The following PTK2B variants were observed in gnomAD, a reference collection of about 807,000 sequenced individuals.
PTK2B encodes protein tyrosine kinase 2 beta, also known as protein-tyrosine kinase 2-beta.
PTK2B carries 71 observed loss-of-function variants against 142.9 expected under a neutral mutation model. That is an observed-to-expected ratio of 0.50 (90% CI 0.41 to 0.61). The LOEUF (loss-of-function observed/expected upper bound fraction) is 0.61. PTK2B is among the 20% of genes least tolerant of loss of function. The pLI is 0.00. For missense variants in PTK2B, 1,105 were observed against 1,320.4 expected (o/e 0.84, Z 2.53); for synonymous variants, 519 against 503.4 (o/e 1.03, Z -0.42).
chr8:27,335,833 G>T (rs1804028488), intron 1 of PTK2B, among the ~76,000 whole-genome samples: 1 of 152,102 alleles, frequency 6.6e-6, no homozygotes, highest in East Asian at 1.9e-4. Flanking sequence ...GCAATCAGGG[G>T]GTGTGGGGAC....
rs375604808 is a variant in PTK2B at position 27,444,146 on chromosome 8, G to T, written c.2149-60G>T. The T allele has an allele frequency of 1.3e-5, 19 of 1,504,606 alleles. No individual in the cohort carries two copies. In the African/African-American group the frequency reaches 2.5e-4, roughly 20 times the overall value. 93.2% of individuals were successfully genotyped at this position (1,504,606 alleles called of 1,614,324 possible). A position where few individuals can be genotyped will look rare whatever the true frequency, so the allele number is the denominator to read the frequency against. ...TGTCTTTGACCTGATGTTCCCCTTG[G>T]TGAGTTGTGTTCACTCAAGGAGAGG... is the stretch of plus-strand genomic sequence containing the variant. On this transcript the variant is annotated intron_variant, in intron 22 of 30. Coordinates refer to ENST00000346049, the MANE Select transcript of PTK2B (RefSeq NM_173176.3).
chr8:27,438,281 G>C (rs3779636), intron 18 of PTK2B, among the ~76,000 whole-genome samples: 129,737 of 151,944 alleles, frequency 0.85, 55,794 homozygotes, highest in Middle Eastern at 0.94. Context: ...GGGGTCCTAG[G>C]CCAGACATCA....
intron 1 of PTK2B, among the ~76,000 whole-genome samples, chr8:27,375,860 G>A (rs954085956): frequency 7.2e-5 from 11 of 152,236 alleles, no homozygotes; most frequent in African/African-American, 1.9e-4. Context: ...CTGGTGAGCA[G>A]GGTACCCTGT....
At chr8:27,322,429 T>C (rs1803239973), upstream of PTK2B, 1 of 152,130 alleles carries the variant, frequency 6.6e-6, no homozygotes, top group Admixed American at 6.5e-5. Context: ...TCATAGACGG[T>C]TGTGAAGACA....
At chr8:27,453,197 T>G in intron 28 of PTK2B, 37 bp downstream of exon 28, 1 of 1,610,734 alleles carries the variant, frequency 6.2e-7, no homozygotes, top group Non-Finnish European at 8.5e-7. Context: ...TAAATGAGAG[T>G]GGGGGTTGCA....
rs150640033 is a variant in PTK2B at position 27,403,378 on chromosome 8, G to T, written c.204+5590G>T. On this transcript the variant is annotated intron_variant, in intron 2 of 30. Coordinates refer to ENST00000346049, the MANE Select transcript of PTK2B (RefSeq NM_173176.3). ...GCATATTTGCTGATTTCATGTTTTG[G>T]TCTTTATTCTCTGCTTTTTTTTCTG... Among the ~76,000 whole-genome samples the T allele has an allele frequency of 1.1e-3, 168 of 152,250 alleles. 4 individuals are homozygous for T. The East Asian group carries it at 0.023, about 21-fold the overall frequency.
chr8:27,439,550 G>C, intron 20 of PTK2B, 152 bp downstream of exon 20: 1 of 857,078 alleles, frequency 1.2e-6, no homozygotes, highest in Non-Finnish European at 1.8e-6. Context: ...CTCAGAGGTG[G>C]GGAGGCCAGT....
intron 3 of PTK2B, among the ~76,000 whole-genome samples, chr8:27,318,516 G>T (rs1803140070): frequency 6.6e-6 from 1 of 152,148 alleles, no homozygotes; most frequent in Non-Finnish European, 1.5e-5. Flanking sequence ...CTCTTTCTAG[G>T]AGCAGCCTGC....
rs1216660744 is a variant in PTK2B, at chr8:27,458,777, C to T, written c.*268C>T. ...ACTGCTGCTGCCTGGCCACTGCTCC[C>T]TAAGCCAGCCTGGTCCATGCAGGGG... On this transcript the variant is annotated 3_prime_UTR_variant, in exon 31 of 31. Coordinates refer to ENST00000346049, the MANE Select transcript of PTK2B (RefSeq NM_173176.3). 3.7e-6 allele frequency: 2 copies of T among 538,622 alleles called. No individual in the cohort carries two copies. The highest frequency in any genetic ancestry group is 3.2e-5 in the East Asian group (1 of 31,402). 33.4% of individuals were successfully genotyped at this position (538,622 alleles called of 1,614,324 possible). A position where few individuals can be genotyped will look rare whatever the true frequency, so the allele number is the denominator to read the frequency against.
At chr8:27,430,054 C>T in intron 5 of PTK2B, 39 bp from the exon 6 acceptor site, 4 of 1,584,446 alleles carry the variant, frequency 2.5e-6, no homozygotes, top group Non-Finnish European at 3.5e-6. Flanking sequence ...GCCTCATTCT[C>T]CAGCCTTCAG....
chr8:27,457,879 G>C (rs564999049), intron 30 of PTK2B, among the ~76,000 whole-genome samples: 80 of 151,418 alleles, frequency 5.3e-4, no homozygotes, highest in African/African-American at 1.9e-3. Flanking sequence ...GGAGGCTGAG[G>C]CAGAAGAATT....
intron 1 of PTK2B, among the ~76,000 whole-genome samples, chr8:27,395,098 C>G (rs551590912): frequency 2.0e-5 from 3 of 152,018 alleles, no homozygotes; most frequent in Non-Finnish European, 4.4e-5. Context: ...GGAGTATACT[C>G]TAAAATAATG....
In PTK2B at chr8:27,389,613, G is replaced by A. The variant is rs560736883; in HGVS notation, c.-37-7935G>A. 2.6e-5 allele frequency among the ~76,000 whole-genome samples: 4 copies of A among 152,340 alleles called. No individual in the cohort carries two copies. In the East Asian group the frequency reaches 7.7e-4, roughly 29 times the overall value. ...AGCTGGCAACAGGGGGACTCCCAGT[G>A]GGTAATGGGTGCGGGGGTGGGGAGC... On this transcript the variant is annotated intron_variant, in intron 1 of 30. Transcript: ENST00000346049.
rs1165754021 is a variant in PTK2B, at chr8:27,397,552, G to A, written c.-33G>A. Reference sequence around the variant, plus strand: ...GACCCTCTGCTGTCTCTGCAGGACTGCAATGTGCCGATCTTAGCTGCTGCC... The same window carrying A: ...GACCCTCTGCTGTCTCTGCAGGACTACAATGTGCCGATCTTAGCTGCTGCC... On this transcript the variant is annotated 5_prime_UTR_variant, in exon 2 of 31. Transcript: ENST00000346049. 2 of 1,607,700 alleles carry A rather than the reference G, an allele frequency of 1.2e-6. No homozygotes were observed. The highest frequency in any genetic ancestry group is 1.7e-6 in the Non-Finnish European group (2 of 1,175,770).
At position 27,419,998 on chromosome 8, in the gene PTK2B, A is replaced by G; in HGVS notation, c.308A>G (p.His103Arg). Residue 103 changes from histidine (H) to arginine (R), a missense_variant, in exon 3 of 31, where the codon CAC (histidine) becomes CGC (arginine). Coordinates refer to ENST00000346049, the MANE Select transcript of PTK2B (RefSeq NM_173176.3). ...AAGCACATGAAGTCCGATGAGATCC[A>G]CTGGCTGCACCCACAGATGACGGTG... ...RLKHMKSDEIHWLHPQMTVGE... is the reference protein window; with the variant it reads ...RLKHMKSDEIRWLHPQMTVGE... The G allele has an allele frequency of 6.2e-7, 1 of 1,614,214 alleles. No individual in the cohort carries two copies. The highest frequency in any genetic ancestry group is 8.5e-7 in the Non-Finnish European group (1 of 1,180,036).
At position 27,341,961 on chromosome 8, in the gene PTK2B, A is replaced by G. The variant is rs140842703; in HGVS notation, c.-38+16280A>G. Among the ~76,000 whole-genome samples, 1,463 of 152,118 alleles carry G rather than the reference A, an allele frequency of 9.6e-3. 7 individuals are homozygous for G. Among genetic ancestry groups the G allele is most frequent in the Middle Eastern group, 0.017 (5 of 294 alleles). On this transcript the variant is annotated intron_variant, in intron 1 of 30. Transcript: ENST00000346049. ...AAAGTGCTGGGATTACACAGGTATG[A>G]TCCACCCCACCTGGCTGCAGGGCTT... is the stretch of plus-strand genomic sequence containing the variant.
At chr8:27,390,365 T>C (rs1383000752) in intron 1 of PTK2B, among the ~76,000 whole-genome samples, 1 of 152,184 alleles carries the variant, frequency 6.6e-6, no homozygotes, top group Non-Finnish European at 1.5e-5. Flanking sequence ...CCAGGCATGG[T>C]GGCTCATACC....
rs768732085 is a variant in PTK2B, at chr8:27,403,769, GCTC to G, written c.204+5997_204+5999del. ...GGCTCTTGCTGCTGCTGCTGCTGCTGCTCCTCCTCCTCCTCCTCTTCTTCTTTC... is the reference window on the plus strand; with the variant it reads ...GGCTCTTGCTGCTGCTGCTGCTGCTGCTCCTCCTCCTCCTCTTCTTCTTTC... On this transcript the variant is annotated intron_variant, in intron 2 of 30. Coordinates refer to ENST00000346049, the MANE Select transcript of PTK2B (RefSeq NM_173176.3). Among the ~76,000 whole-genome samples, 56 of 111,348 alleles carry G rather than the reference GCTC, an allele frequency of 5.0e-4. No homozygotes were observed. In the South Asian group the frequency reaches 0.011, roughly 22 times the overall value. 73.0% of individuals were successfully genotyped at this position (111,348 alleles called of 152,430 possible).
At chr8:27,362,886 C>T (rs552564695) in intron 1 of PTK2B, among the ~76,000 whole-genome samples, 7 of 152,292 alleles carry the variant, frequency 4.6e-5, no homozygotes, top group African/African-American at 1.7e-4. Flanking sequence ...CACTCCCATG[C>T]GAAATCTTGA....
Sources: allele counts gnomAD v4.1 joint callset (sites outside exome capture counted in the v4.1 genomes callset), GRCh38; gene constraint gnomAD v4.1.1; transcripts MANE v1.5; gene names NCBI Gene and HGNC (gene_info 2026-07-23, HGNC 2026-07-21).